The following CCBE1 variants were observed in gnomAD, a reference collection of about 807,000 sequenced individuals.
The protein encoded by CCBE1 is collagen and calcium binding EGF domains 1, also known as collagen and calcium-binding EGF domain-containing protein 1.
CCBE1 carries 37 observed loss-of-function variants against 50.0 expected under a neutral mutation model. The ratio of observed to expected loss-of-function variants is 0.74; its 90% CI spans 0.57 to 0.97. CCBE1 has a LOEUF of 0.97. Ranked by LOEUF, CCBE1 falls within the 50% of genes least tolerant of loss-of-function variation. The probability of loss-of-function intolerance (pLI) is 0.00; values close to 1 mark genes in which losing one functional copy is unlikely to be tolerated. For missense variants in CCBE1, 538 were observed against 523.8 expected (o/e 1.03, Z -0.26); for synonymous variants, 234 against 203.7 (o/e 1.15, Z -1.27).
In CCBE1 at chr18:59,431,775, G is replaced by T. The variant is rs1275835892; in HGVS notation, c.*4133C>A. 1 of 152,210 alleles carries T rather than the reference G, an allele frequency of 6.6e-6. No individual in the cohort carries two copies. Among genetic ancestry groups the T allele is most frequent in the Non-Finnish European group, 1.5e-5 (1 of 68,050 alleles). 9.4% of individuals were successfully genotyped at this position (152,210 alleles called of 1,614,324 possible). On this transcript the variant is annotated 3_prime_UTR_variant, in exon 11 of 11. Transcript: ENST00000439986. Reference sequence around the variant, plus strand: ...ATGATACTCCTGAGTTTATACAGTAGAAATGACTTCCTTTGGTCAATGAAT... The same window carrying T: ...ATGATACTCCTGAGTTTATACAGTATAAATGACTTCCTTTGGTCAATGAAT...
chr18:59,696,499 C>A, intron 2 of CCBE1, 130 bp downstream of exon 2: 13 of 1,547,478 alleles, frequency 8.4e-6, no homozygotes, highest in Non-Finnish European at 1.1e-5. Context: ...GCGCGGCACG[C>A]ACCCAGCAGG....
chr18:59,522,712 G>A (rs56928454), intron 2 of CCBE1, among the ~76,000 whole-genome samples: 52,655 of 151,942 alleles, frequency 0.35, 9,831 homozygotes, highest in Middle Eastern at 0.48. Context: ...TTTCTTGGCC[G>A]GGCGCAGTGG....
At chr18:59,483,258 GATC>G (rs1425349065) in intron 2 of CCBE1, among the ~76,000 whole-genome samples, 25 of 152,170 alleles carry the variant, frequency 1.6e-4, no homozygotes, top group Admixed American at 4.6e-4. Context: ...AATTATTTAA[GATC>G]ATTATTTTCT....
At chr18:59,696,388 G>A in intron 2 of CCBE1, 1 of 1,038,358 alleles carries the variant, frequency 9.6e-7, no homozygotes, top group South Asian at 1.7e-5. Flanking sequence ...TTCAGGGAGC[G>A]GCAACCATCC....
At chr18:59,570,438 A>AGG (rs2052893501) in intron 2 of CCBE1, among the ~76,000 whole-genome samples, 2 of 152,152 alleles carry the variant, frequency 1.3e-5, no homozygotes, top group Non-Finnish European at 2.9e-5. Context: ...GTTTTTGATG[A>AGG]GGGGCATCAA....
At chr18:59,525,070 A>G (rs1914764863) in intron 2 of CCBE1, among the ~76,000 whole-genome samples, 1 of 152,168 alleles carries the variant, frequency 6.6e-6, no homozygotes, top group African/African-American at 2.4e-5. Flanking sequence ...AGAATGATTT[A>G]TATTCCTTTG....
At chr18:59,478,698 C>T (rs55962241) in intron 3 of CCBE1, among the ~76,000 whole-genome samples, 4,786 of 152,254 alleles carry the variant, frequency 0.031, 164 homozygotes, top group East Asian at 0.2. Flanking sequence ...TTAGGTTGGG[C>T]AAGGTCTTTA....
At chr18:59,458,788 C>T (rs1911327739) in intron 5 of CCBE1, among the ~76,000 whole-genome samples, 1 of 152,170 alleles carries the variant, frequency 6.6e-6, no homozygotes, top group Non-Finnish European at 1.5e-5. Flanking sequence ...TGCGGAGTGA[C>T]CTGTTACATG....
At chr18:59,655,867 A>G (rs2054182379) in intron 2 of CCBE1, among the ~76,000 whole-genome samples, 1 of 152,252 alleles carries the variant, frequency 6.6e-6, no homozygotes, top group South Asian at 2.1e-4. Context: ...ATCTGAATGC[A>G]CTAGAAGTTA....
At chr18:59,495,410 T>TC (rs57747927) in intron 2 of CCBE1, among the ~76,000 whole-genome samples, 26,840 of 144,780 alleles carry the variant, frequency 0.19, 2,807 homozygotes, top group South Asian at 0.24. Flanking sequence ...TTTTTTTTTT[T>TC]CCAGAGCGGG....
intron 2 of CCBE1, among the ~76,000 whole-genome samples, chr18:59,520,364 T>G (rs1361751201): frequency 1.3e-5 from 2 of 152,218 alleles, no homozygotes; most frequent in Non-Finnish European, 2.9e-5. Context: ...GGTTTGTAGT[T>G]CTTCTTGAAG....
chr18:59,446,693 C>A (rs1910686801), intron 7 of CCBE1, among the ~76,000 whole-genome samples: 1 of 152,212 alleles, frequency 6.6e-6, no homozygotes, highest in Non-Finnish European at 1.5e-5. Flanking sequence ...CAAATTCTAC[C>A]AGTCTGCCAT....
chr18:59,487,384 T>G (rs1912873700), intron 2 of CCBE1, among the ~76,000 whole-genome samples: 1 of 152,146 alleles, frequency 6.6e-6, no homozygotes, highest in East Asian at 1.9e-4. Flanking sequence ...GGAATCTTTC[T>G]TTTCAATGTT....
intron 7 of CCBE1, among the ~76,000 whole-genome samples, chr18:59,442,026 T>G (rs7229758): frequency 6.6e-6 from 1 of 152,224 alleles, no homozygotes; most frequent in South Asian, 2.1e-4. Context: ...CCTTCCTAAT[T>G]GCCCCATAGT....
Position 59,466,863 on chromosome 18 carries a change from C to A in CCBE1, c.429G>T (p.Gly143=). ...LDIDECASSN[G]TLCAHICINT... is the part of the protein sequence containing the mutation. The stretch of plus-strand genomic sequence containing the variant: ...TGATGCAGATGTGGGCACACAGCGT[C>A]CCATTGCTGCTGGCACACTCATCAA... Residue 143 remains glycine (G), a synonymous_variant, in exon 5 of 11, where the codon GGG becomes GGT. Transcript: ENST00000439986. 1.2e-6 allele frequency: 2 copies of A among 1,613,378 alleles called. No individual in the cohort carries two copies. The highest frequency in any genetic ancestry group is 1.7e-6 in the Non-Finnish European group (2 of 1,179,732).
chr18:59,595,429 C>G (rs1420020314), intron 2 of CCBE1, among the ~76,000 whole-genome samples: 1 of 152,106 alleles, frequency 6.6e-6, no homozygotes, highest in Non-Finnish European at 1.5e-5. Context: ...AATGGTAATA[C>G]CAACCCTGTG....
intron 2 of CCBE1, among the ~76,000 whole-genome samples, chr18:59,511,334 T>C (rs1161472015): frequency 6.6e-6 from 1 of 152,256 alleles, no homozygotes; most frequent in Non-Finnish European, 1.5e-5. Context: ...ATAACGATTA[T>C]GTTCTAGTTC....
chr18:59,656,800 T>A (rs1485864487), intron 2 of CCBE1, among the ~76,000 whole-genome samples: 1 of 152,226 alleles, frequency 6.6e-6, no homozygotes, highest in African/African-American at 2.4e-5. Context: ...TACACTAATA[T>A]GACCACAACC....
At chr18:59,534,700 A>G (rs370593493) in intron 2 of CCBE1, among the ~76,000 whole-genome samples, 5 of 152,292 alleles carry the variant, frequency 3.3e-5, no homozygotes, top group African/African-American at 1.2e-4. Flanking sequence ...TGTCCAGGTC[A>G]TTTCTGATGT....
Sources: gnomAD v4.1 joint callset for allele counts (sites outside exome capture counted in the v4.1 genomes callset) on GRCh38, gnomAD v4.1.1 for gene constraint, MANE v1.5 for transcripts, NCBI Gene and HGNC (gene_info 2026-07-23, HGNC 2026-07-21) for gene names.